MRTFB: variants seen among roughly 807,000 people sequenced by gnomAD.
MRTFB encodes myocardin related transcription factor B.
A neutral mutation model predicts 104.2 loss-of-function variants in MRTFB; 29 were observed. That is an observed-to-expected ratio of 0.28 (90% CI 0.21 to 0.38). MRTFB has a LOEUF of 0.38. Among genes scored for constraint, MRTFB ranks in the 10% least tolerant of loss-of-function variants. The pLI is 1.00. For missense variants in MRTFB, 1,270 were observed against 1,341.6 expected (o/e 0.95, Z 0.83); for synonymous variants, 535 against 519.5 (o/e 1.03, Z -0.41).
chr16:14,250,982 TGA>T (rs1407454586), intron 13 of MRTFB, among the ~76,000 whole-genome samples: 1 of 152,126 alleles, frequency 6.6e-6, no homozygotes, highest in Admixed American at 6.6e-5. Flanking sequence ...ATTTTAAATT[TGA>T]GATACCTAAG....
the MRTFB span, among the ~76,000 whole-genome samples, chr16:14,029,438 A>G: frequency 1.3e-5 from 1 of 79,610 alleles, no homozygotes; most frequent in Admixed American, 1.6e-4. Context: ...ATATATATAT[A>G]TATATATACA....
At chr16:14,081,778 C>T (rs1311052356) in intron 2 of MRTFB, among the ~76,000 whole-genome samples, 2 of 150,604 alleles carry the variant, frequency 1.3e-5, no homozygotes, top group African/African-American at 4.9e-5. Context: ...GACAGTGTCT[C>T]GCCATGTTGC....
the MRTFB span, among the ~76,000 whole-genome samples, chr16:14,055,630 AC>A: frequency 1.3e-5 from 2 of 152,096 alleles, no homozygotes; most frequent in Non-Finnish European, 2.9e-5. Flanking sequence ...TCATGATTAG[AC>A]GGAGGTTATG....
chr16:14,227,919 G>A (rs2042082150), intron 8 of MRTFB, among the ~76,000 whole-genome samples: 1 of 150,418 alleles, frequency 6.6e-6, no homozygotes, highest in Non-Finnish European at 1.5e-5. Flanking sequence ...AATGGGCAAA[G>A]GTTTGAATGT....
At chr16:14,234,374 C>T (rs2042404677) in intron 9 of MRTFB, 91 bp downstream of exon 9, 8 of 1,425,648 alleles carry the variant, frequency 5.6e-6, no homozygotes, top group Non-Finnish European at 7.5e-6. Context: ...ATTTATCCAA[C>T]TTGCTCAGCC....
At chr16:14,026,001 T>C in the MRTFB span, among the ~76,000 whole-genome samples, 1 of 152,320 alleles carries the variant, frequency 6.6e-6, no homozygotes, top group Admixed American at 6.5e-5. Flanking sequence ...AGATGCACCA[T>C]GTTCATGGAC....
chr16:14,086,113 A>G (rs2034689925), intron 2 of MRTFB, among the ~76,000 whole-genome samples: 1 of 152,236 alleles, frequency 6.6e-6, no homozygotes, highest in Non-Finnish European at 1.5e-5. Flanking sequence ...GCTATATTTT[A>G]AGTGTGGCTC....
the MRTFB span, among the ~76,000 whole-genome samples, chr16:14,053,532 A>T: frequency 6.6e-6 from 1 of 152,016 alleles, no homozygotes; most frequent in Non-Finnish European, 1.5e-5. Flanking sequence ...GGAGTTCGAG[A>T]CCAGTCTGGC....
At position 14,210,308 on chromosome 16, in the gene MRTFB, C is replaced by T; in HGVS notation, c.220C>T (p.Pro74Ser). ...EQLVDQGIMPPLKSPAAFHEQ... is the reference protein window; with the variant it reads ...EQLVDQGIMPSLKSPAAFHEQ... ...ACTAGTGGACCAGGGCATCATGCCA[C>T]GTAAGATTTATACCATCACTGCCAT... The change falls in exon 4 of 17, where the codon CCT (proline) becomes TCT (serine). Residue 74 changes from proline (P) to serine (S), a missense_variant and splice_region_variant. Pro to Ser is a moderately conservative substitution (Grantham distance 74). Coordinates refer to ENST00000571589, the MANE Select transcript of MRTFB (RefSeq NM_001308142.2). The T allele has an allele frequency of 6.2e-7, 1 of 1,611,996 alleles. No homozygotes were observed. Among genetic ancestry groups the T allele is most frequent in the Non-Finnish European group, 8.5e-7 (1 of 1,178,688 alleles).
intron 2 of MRTFB, among the ~76,000 whole-genome samples, chr16:14,112,080 A>G (rs1384915974): frequency 6.6e-6 from 1 of 152,144 alleles, no homozygotes; most frequent in Non-Finnish European, 1.5e-5. Context: ...GTAGGGGCAG[A>G]GTGGGATTTA....
chr16:14,148,958 G>A (rs1256158517), intron 3 of MRTFB, among the ~76,000 whole-genome samples: 1 of 152,160 alleles, frequency 6.6e-6, no homozygotes, highest in Non-Finnish European at 1.5e-5. Context: ...AATTAGTCGT[G>A]TTGCTGTTTA....
At chr16:14,169,171 C>T (rs937179437) in intron 3 of MRTFB, among the ~76,000 whole-genome samples, 5 of 152,098 alleles carry the variant, frequency 3.3e-5, no homozygotes, top group African/African-American at 7.2e-5. Context: ...TATCCCCCTC[C>T]GACCATCAGT....
the MRTFB span, among the ~76,000 whole-genome samples, chr16:14,028,903 G>A: frequency 6.6e-6 from 1 of 152,166 alleles, no homozygotes; most frequent in Non-Finnish European, 1.5e-5. Flanking sequence ...AGGTACCAGT[G>A]GAGAAGGTTG....
Position 14,248,207 on chromosome 16 carries a change from G to T in MRTFB, c.2247+700G>T, listed in dbSNP as rs191763605. On this transcript the variant is annotated intron_variant, in intron 12 of 16. Coordinates refer to ENST00000571589, the MANE Select transcript of MRTFB (RefSeq NM_001308142.2). ...GTATTTACCGTGTCATGCAGTTTTG[G>T]TAAGTTTTCACCAAACATGGAGCAC... The T allele has an allele frequency of 5.9e-5, 9 of 152,346 alleles. 1 individual carries two copies. Among genetic ancestry groups the T allele is most frequent in the African/African-American group, 1.9e-4 (8 of 41,530 alleles). 9.4% of individuals were successfully genotyped at this position (152,346 alleles called of 1,614,324 possible).
At chr16:14,017,277 C>T in the MRTFB span, among the ~76,000 whole-genome samples, 6 of 151,702 alleles carry the variant, frequency 4.0e-5, no homozygotes, top group Admixed American at 1.3e-4. Flanking sequence ...AGGATGGTCT[C>T]GATCTCCTGA....
At chr16:14,086,206 G>A (rs2034695893) in intron 2 of MRTFB, among the ~76,000 whole-genome samples, 1 of 152,140 alleles carries the variant, frequency 6.6e-6, no homozygotes, top group South Asian at 2.1e-4. Flanking sequence ...CCAGTATCCT[G>A]TCTTTTAAGC....
chr16:14,219,027 A>C (rs1385346917), intron 8 of MRTFB, 29 bp downstream of exon 8: 2 of 1,548,822 alleles, frequency 1.3e-6, no homozygotes, highest in Middle Eastern at 1.7e-4. Flanking sequence ...TGACCCCTAA[A>C]GAAAGAAAAT....
chr16:14,138,745 A>G (rs1220953431), intron 2 of MRTFB, among the ~76,000 whole-genome samples: 1 of 152,150 alleles, frequency 6.6e-6, no homozygotes, highest in Non-Finnish European at 1.5e-5. Flanking sequence ...CATTTTTGGG[A>G]ACTAAATAGA....
At chr16:14,198,577 T>C (rs1049679958) in intron 3 of MRTFB, among the ~76,000 whole-genome samples, 8 of 152,368 alleles carry the variant, frequency 5.3e-5, no homozygotes, top group Middle Eastern at 3.4e-3. Flanking sequence ...CGGTAATGCA[T>C]AACCATGTTT....
Sources: allele counts gnomAD v4.1 joint callset (sites outside exome capture counted in the v4.1 genomes callset), GRCh38; gene constraint gnomAD v4.1.1; transcripts MANE v1.5; gene names NCBI Gene and HGNC (gene_info 2026-07-23, HGNC 2026-07-21).